Variants in ZNF423 observed in about 807,000 individuals in gnomAD.
The protein encoded by ZNF423 is Ebf-associated zinc finger protein.
ZNF423 carries 12 observed loss-of-function variants against 95.8 expected under a neutral mutation model. The ratio of observed to expected loss-of-function variants is 0.13; its 90% CI spans 0.08 to 0.20. ZNF423 has a LOEUF of 0.20. Among genes scored for constraint, ZNF423 ranks in the 10% least tolerant of loss-of-function variants. The probability of loss-of-function intolerance (pLI) is 1.00; values close to 1 mark genes in which losing one functional copy is unlikely to be tolerated. For synonymous variants in ZNF423, 749 were observed against 711.9 expected (o/e 1.05, Z -0.83); for missense variants, 1,316 against 1,737.1 (o/e 0.76, Z 4.31).
chr16:49,714,785 A>G (rs2032653982), intron 3 of ZNF423, among the ~76,000 whole-genome samples: 1 of 152,066 alleles, frequency 6.6e-6, no homozygotes, highest in South Asian at 2.1e-4. Flanking sequence ...AAAAATAAAA[A>G]TGGGTGGTCT....
At chr16:49,610,287 T>A (rs1053713800) in intron 5 of ZNF423, among the ~76,000 whole-genome samples, 1 of 152,196 alleles carries the variant, frequency 6.6e-6, no homozygotes, top group Non-Finnish European at 1.5e-5. Context: ...CTAATTCCCC[T>A]TCTCTTCTTG....
intron 5 of ZNF423, among the ~76,000 whole-genome samples, chr16:49,565,717 C>T (rs577539551): frequency 6.6e-6 from 1 of 152,268 alleles, no homozygotes; most frequent in South Asian, 2.1e-4. Flanking sequence ...CAGGGGAGGG[C>T]AGGAGTTGAA....
intron 7 of ZNF423, among the ~76,000 whole-genome samples, chr16:49,508,091 C>T (rs1967724489): frequency 6.6e-6 from 1 of 152,194 alleles, no homozygotes; most frequent in African/African-American, 2.4e-5. Flanking sequence ...CTCTGTGCCT[C>T]ATTTTGCTTG....
At chr16:49,520,438 T>A (rs573668372) in intron 7 of ZNF423, among the ~76,000 whole-genome samples, 45 of 152,340 alleles carry the variant, frequency 3.0e-4, no homozygotes, top group African/African-American at 1.0e-3. Flanking sequence ...GAGGGAGACA[T>A]GTCAATGTTG....
chr16:49,780,793 G>A (rs1567339679), intron 2 of ZNF423, among the ~76,000 whole-genome samples: 2 of 152,350 alleles, frequency 1.3e-5, no homozygotes, highest in East Asian at 1.9e-4. Context: ...CCGAGCTAAT[G>A]AGAAACTCCC....
At chr16:49,768,104 G>A (rs889153853) in intron 2 of ZNF423, among the ~76,000 whole-genome samples, 2 of 152,194 alleles carry the variant, frequency 1.3e-5, no homozygotes, top group Non-Finnish European at 2.9e-5. Context: ...TCCGCAGGCT[G>A]GCTCTGGGCT....
At chr16:49,736,425 C>T (rs149989708) in intron 2 of ZNF423, among the ~76,000 whole-genome samples, 121 of 152,246 alleles carry the variant, frequency 7.9e-4, no homozygotes, top group Non-Finnish European at 1.4e-3. Context: ...TCCCTGAACC[C>T]AAGATATGGA....
At position 49,855,552 on chromosome 16, in the gene ZNF423, C is replaced by T. The variant is rs1168614038; in HGVS notation, c.40+183G>A. On this transcript the variant is annotated intron_variant, in intron 1 of 7. Transcript: ENST00000563137. This position sits in a 1 kb window ranked among gnomAD's most constrained non-coding sequence, Gnocchi z 4.7. ...CCGCCGCCGCCTCCGCCTCCTGCTC[C>T]CGGCTTCCTCCTCCCCCTCCTCCGC... Among the ~76,000 whole-genome samples, 1 of 150,026 alleles carries T rather than the reference C, an allele frequency of 6.7e-6. No homozygotes were observed. Among genetic ancestry groups the T allele is most frequent in the Non-Finnish European group, 1.5e-5 (1 of 67,226 alleles).
chr16:49,755,452 G>A (rs998598959), intron 2 of ZNF423, among the ~76,000 whole-genome samples: 4 of 152,152 alleles, frequency 2.6e-5, no homozygotes, highest in Non-Finnish European at 5.9e-5. Context: ...GACACCTATC[G>A]AGGGTAAGCC....
At chr16:49,702,400 C>T (rs1486801377) in intron 3 of ZNF423, among the ~76,000 whole-genome samples, 2 of 152,224 alleles carry the variant, frequency 1.3e-5, no homozygotes, top group African/African-American at 4.8e-5. Context: ...TGGGCCAGCC[C>T]CATCCTCGCC....
chr16:49,597,800 A>C (rs1472502898), intron 5 of ZNF423, among the ~76,000 whole-genome samples: 1 of 152,212 alleles, frequency 6.6e-6, no homozygotes, highest in Non-Finnish European at 1.5e-5. Flanking sequence ...ATACTCAGAG[A>C]TTATATTACT....
chr16:49,815,881 A>AATAT (rs1169322824), intron 1 of ZNF423, among the ~76,000 whole-genome samples: 54 of 47,598 alleles, frequency 1.1e-3, no homozygotes, highest in East Asian at 5.2e-3. Flanking sequence ...AAAAAAAAAA[A>AATAT]ATATATATAT....
intron 2 of ZNF423, among the ~76,000 whole-genome samples, chr16:49,778,475 A>C (rs1331441907): frequency 2.6e-5 from 4 of 152,174 alleles, no homozygotes. Context: ...AAGGAACCTG[A>C]TCTCAGGTCA....
chr16:49,629,526 C>A (rs1233183022), intron 4 of ZNF423, among the ~76,000 whole-genome samples: 1 of 152,200 alleles, frequency 6.6e-6, no homozygotes, highest in Non-Finnish European at 1.5e-5. Context: ...ATTCAAATGT[C>A]ATCTCTTCTG....
intron 5 of ZNF423, among the ~76,000 whole-genome samples, chr16:49,571,843 A>G (rs973117541): frequency 2.0e-5 from 3 of 152,160 alleles, no homozygotes; most frequent in African/African-American, 7.2e-5. Context: ...GATGACCAAC[A>G]CTGCAGAGGG....
At position 49,636,630 on chromosome 16, in the gene ZNF423, G is replaced by A. The variant is rs375710152; in HGVS notation, c.2546C>T (p.Thr849Met). Residue 849 changes from threonine to methionine, a missense_variant, in exon 4 of 8, where the codon ACG becomes ATG. This residue lies in a region of ZNF423 where 620 missense variants were observed against 775.6 expected (regional missense o/e 0.80). Coordinates refer to ENST00000563137, the MANE Select transcript of ZNF423 (RefSeq NM_001379286.1). This position sits in a 1 kb window ranked among gnomAD's most constrained non-coding sequence, Gnocchi z 8.6. ...GGCCATTGGGGGTACCCCATTGGCC[G>A]TGCCGTTCTCGGTCGCAGCATCAAA... ...CVFDAATENG[T>M]ANGVPPMATK... The A allele has an allele frequency of 2.0e-5, 33 of 1,613,978 alleles. 1 individual carries two copies. The highest frequency in any genetic ancestry group is 1.9e-4 in the African/African-American group (14 of 75,042).
chr16:49,520,969 T>C (rs12600232), intron 7 of ZNF423, among the ~76,000 whole-genome samples: 27,739 of 152,252 alleles, frequency 0.18, 2,821 homozygotes, highest in Middle Eastern at 0.26. Context: ...ATTTAGCGGT[T>C]TCTCAGTATT....
chr16:49,696,417 G>A (rs1212002765), intron 3 of ZNF423, among the ~76,000 whole-genome samples: 1 of 152,152 alleles, frequency 6.6e-6, no homozygotes, highest in African/African-American at 2.4e-5. Context: ...GTGAAACAAG[G>A]CTACCAGAGA....
intron 5 of ZNF423, among the ~76,000 whole-genome samples, chr16:49,550,067 T>C (rs771814754): frequency 1.1e-4 from 16 of 152,168 alleles, no homozygotes; most frequent in Non-Finnish European, 1.9e-4. Flanking sequence ...AGAGTCTTGC[T>C]ATGTTGTCCA....
Sources: allele counts gnomAD v4.1 joint callset (sites outside exome capture counted in the v4.1 genomes callset), GRCh38; gene constraint gnomAD v4.1.1; regional missense constraint gnomAD v4.1.1; non-coding constraint Gnocchi (gnomAD v3.1); transcripts MANE v1.5; gene names NCBI Gene and HGNC (gene_info 2026-07-23, HGNC 2026-07-21).